Variants in IPMK observed in about 807,000 individuals in gnomAD.
IPMK encodes inositol polyphosphate multikinase.
In IPMK, 17 loss-of-function variants were observed where a neutral mutation model predicts 45.8. That is an observed-to-expected ratio of 0.37 (90% CI 0.25 to 0.56). IPMK has a LOEUF of 0.56. Among genes scored for constraint, IPMK ranks in the 20% least tolerant of loss-of-function variants. The pLI, the probability that IPMK is intolerant of heterozygous loss-of-function variation, is 0.79. For synonymous variants in IPMK, 180 were observed against 184.3 expected, an observed-to-expected ratio of 0.98 and a Z score of 0.19; for missense variants, 399 against 498.0, an observed-to-expected ratio of 0.80 and a Z score of 1.89.
rs1384885755 is a variant in IPMK at position 58,196,653 on chromosome 10, G to A, written c.674C>T (p.Ala225Val). ...AATCTTCTGAATACTGGCAGCAACA[G>A]CATCTTTTCTTAAGCAGTACCCATT... is the stretch of plus-strand genomic sequence containing the variant. ...FHNGYCLRKD[A>V]VAASIQKIEK... Residue 225 changes from alanine (A) to valine (V), a missense_variant, in exon 6 of 6, where the codon GCT (alanine) becomes GTT (valine). Coordinates refer to ENST00000373935, the MANE Select transcript of IPMK (RefSeq NM_152230.5). 2.5e-6 allele frequency: 4 copies of A among 1,611,512 alleles called. No individual in the cohort carries two copies. The African/African-American group carries it at 4.0e-5, about 16-fold the overall frequency.
Position 58,199,267 on chromosome 10 carries a change from T to C in IPMK, c.601A>G (p.Ser201Gly). ...YETENQHYGR[S>G]LTKETIKDGV... ...TCCTTTATAGTTTCTTTTGTTAAGCTTCTTCCGTAATGCTGGTTTTCTGTC... is the reference window on the plus strand; with the variant it reads ...TCCTTTATAGTTTCTTTTGTTAAGCCTCTTCCGTAATGCTGGTTTTCTGTC... The change falls in exon 5 of 6, where the codon AGC becomes GGC. Residue 201 changes from serine to glycine, a missense_variant. Ser to Gly is a moderately conservative substitution (Grantham distance 56). Around this residue, in one of 2 missense-constraint regions of IPMK, gnomAD observed 288 missense variants for 398.0 expected, o/e 0.72. Coordinates refer to ENST00000373935, the MANE Select transcript of IPMK (RefSeq NM_152230.5). 3 of 1,608,666 alleles carry C rather than the reference T, an allele frequency of 1.9e-6. No individual in the cohort carries two copies. Among genetic ancestry groups the C allele is most frequent in the Non-Finnish European group, 2.5e-6 (3 of 1,177,158 alleles).
At chr10:58,256,278 C>T (rs932657628) in intron 1 of IPMK, among the ~76,000 whole-genome samples, 1 of 152,168 alleles carries the variant, frequency 6.6e-6, no homozygotes, top group Non-Finnish European at 1.5e-5. Context: ...GAAAGGAATG[C>T]ATTCCCAGGG....
chr10:58,243,524 C>T (rs1208004235), intron 1 of IPMK, among the ~76,000 whole-genome samples: 1 of 152,168 alleles, frequency 6.6e-6, no homozygotes, highest in Non-Finnish European at 1.5e-5. Flanking sequence ...CACGTGCCGC[C>T]ACTCCTGACT....
At chr10:58,206,647 A>G (rs1838075140) in intron 4 of IPMK, among the ~76,000 whole-genome samples, 1 of 152,140 alleles carries the variant, frequency 6.6e-6, no homozygotes, top group Non-Finnish European at 1.5e-5. Flanking sequence ...TTTTATTTCA[A>G]TAGCTTTTGG....
At chr10:58,264,680 C>A (rs1479868186) in intron 1 of IPMK, among the ~76,000 whole-genome samples, 1 of 151,666 alleles carries the variant, frequency 6.6e-6, no homozygotes. Context: ...CTTATCACAG[C>A]AAACAAATGG....
At position 58,225,695 on chromosome 10, in the gene IPMK, C is replaced by G. The variant is rs562791421; in HGVS notation, c.373+1348G>C. On this transcript the variant is annotated intron_variant, in intron 3 of 5. Transcript: ENST00000373935. ...GCAACCTTCATTAATTTTTCAGCGT[C>G]ACTTTACTGAGGAATAATGATTTAC... Among the ~76,000 whole-genome samples, 33 of 152,236 alleles carry G rather than the reference C, an allele frequency of 2.2e-4. No individual in the cohort carries two copies. In the South Asian group the frequency reaches 6.8e-3, roughly 32 times the overall value.
chr10:58,220,030 T>G (rs1483794016), intron 3 of IPMK, among the ~76,000 whole-genome samples: 1 of 152,194 alleles, frequency 6.6e-6, no homozygotes, highest in South Asian at 2.1e-4. Flanking sequence ...CATCATACTT[T>G]GGGAATCCAG....
In IPMK at chr10:58,250,398, A is replaced by G. The variant is rs182761664; in HGVS notation, c.191-12584T>C. ...GTAAAGATATTTCACTTTTTTGGTT[A>G]AATTTTTTCCTAGGGTTTTTGTTGT... On this transcript the variant is annotated intron_variant, in intron 1 of 5. Coordinates refer to ENST00000373935, the MANE Select transcript of IPMK (RefSeq NM_152230.5). 3.3e-3 allele frequency among the ~76,000 whole-genome samples: 497 copies of G among 148,806 alleles called. 2 individuals are homozygous for G. The highest frequency in any genetic ancestry group is 0.011 in the South Asian group (50 of 4,702).
intron 4 of IPMK, among the ~76,000 whole-genome samples, chr10:58,212,078 T>C (rs1027271871): frequency 5.3e-5 from 8 of 152,098 alleles, no homozygotes; most frequent in Non-Finnish European, 1.0e-4. Flanking sequence ...ATAAAATGTA[T>C]AAGGTCCACT....
At chr10:58,245,844 G>T (rs917119207) in intron 1 of IPMK, among the ~76,000 whole-genome samples, 1 of 145,864 alleles carries the variant, frequency 6.9e-6, no homozygotes, top group Admixed American at 6.7e-5. Flanking sequence ...TATTCAGTTA[G>T]GAAAAGAGGA....
chr10:58,225,429 T>G (rs769965577), intron 3 of IPMK, among the ~76,000 whole-genome samples: 1 of 150,560 alleles, frequency 6.6e-6, no homozygotes, highest in African/African-American at 2.5e-5. Flanking sequence ...TTCAAGATTA[T>G]ATAGTATTGA....
chr10:58,263,205 G>A (rs1839100336), intron 1 of IPMK, among the ~76,000 whole-genome samples: 1 of 152,056 alleles, frequency 6.6e-6, no homozygotes, highest in Admixed American at 6.6e-5. Flanking sequence ...GGGCAACAAA[G>A]CCAGATCCCA....
At chr10:58,263,396 C>G (rs976242470) in intron 1 of IPMK, among the ~76,000 whole-genome samples, 2 of 151,964 alleles carry the variant, frequency 1.3e-5, no homozygotes, top group Admixed American at 1.3e-4. Context: ...TGGTGGTGCA[C>G]TCCTGTAATC....
intron 5 of IPMK, among the ~76,000 whole-genome samples, chr10:58,197,172 C>A (rs1207297725): frequency 2.6e-5 from 4 of 151,582 alleles, no homozygotes; most frequent in African/African-American, 9.7e-5. Flanking sequence ...TGGTGGCGGG[C>A]ACCTGTAGTC....
intron 4 of IPMK, among the ~76,000 whole-genome samples, chr10:58,204,631 A>C (rs1838046278): frequency 6.6e-6 from 1 of 152,134 alleles, no homozygotes; most frequent in Non-Finnish European, 1.5e-5. Flanking sequence ...CAGTCTCCAC[A>C]AAATAATTTA....
chr10:58,210,748 G>C (rs992830730), intron 4 of IPMK, among the ~76,000 whole-genome samples: 1 of 152,126 alleles, frequency 6.6e-6, no homozygotes, highest in Non-Finnish European at 1.5e-5. Context: ...TCACTCAGGG[G>C]GTATGTGTTC....
chr10:58,253,135 G>A (rs961242851), intron 1 of IPMK, among the ~76,000 whole-genome samples: 11 of 152,216 alleles, frequency 7.2e-5, no homozygotes, highest in Admixed American at 6.5e-4. Context: ...TAGTGAATAA[G>A]TCTCTGATAG....
intron 1 of IPMK, among the ~76,000 whole-genome samples, chr10:58,253,966 T>TC (rs1838925284): frequency 6.6e-6 from 1 of 152,088 alleles, no homozygotes; most frequent in African/African-American, 2.4e-5. Flanking sequence ...GAGTATTTTT[T>TC]CTCTGTCTTT....
At chr10:58,221,884 G>T (rs1215109307) in intron 3 of IPMK, among the ~76,000 whole-genome samples, 1 of 152,130 alleles carries the variant, frequency 6.6e-6, no homozygotes, top group Admixed American at 6.6e-5. Flanking sequence ...GAGTAGCTGG[G>T]ACTACAGGTG....
Sources: allele counts gnomAD v4.1 joint callset (sites outside exome capture counted in the v4.1 genomes callset), GRCh38; gene constraint gnomAD v4.1.1; regional missense constraint gnomAD v4.1.1; transcripts MANE v1.5; gene names NCBI Gene and HGNC (gene_info 2026-07-23, HGNC 2026-07-21).